RNF180: variants seen among roughly 807,000 people sequenced by gnomAD.
RNF180 encodes the protein ring finger protein 180, also known as E3 ubiquitin-protein ligase RNF180.
A neutral mutation model predicts 59.2 loss-of-function variants in RNF180; 38 were observed. The observed-to-expected ratio is 0.64, with a 90% CI of 0.50 to 0.84. The LOEUF is 0.84. Among genes scored for constraint, RNF180 ranks in the 40% least tolerant of loss-of-function variants. RNF180 has a pLI of 0.00. For missense variants in RNF180, 705 were observed against 700.9 expected, an observed-to-expected ratio of 1.01 and a Z score of -0.07; for synonymous variants, 262 against 240.3, an observed-to-expected ratio of 1.09 and a Z score of -0.84.
chr5:64,249,100 G>C (rs976659881), intron 5 of RNF180, among the ~76,000 whole-genome samples: 3 of 152,172 alleles, frequency 2.0e-5, no homozygotes, highest in African/African-American at 7.2e-5. Context: ...ACCGGGGCCT[G>C]TCAGGAGAGG....
intron 5 of RNF180, among the ~76,000 whole-genome samples, chr5:64,314,814 A>G (rs1423786844): frequency 1.3e-5 from 2 of 152,180 alleles, no homozygotes; most frequent in Non-Finnish European, 2.9e-5. Flanking sequence ...TTTTAGTTGA[A>G]TTATGTGAAG....
At chr5:64,225,020 A>G (rs1741593874) in intron 5 of RNF180, among the ~76,000 whole-genome samples, 1 of 152,166 alleles carries the variant, frequency 6.6e-6, no homozygotes, top group Admixed American at 6.5e-5. Flanking sequence ...TTGTCTCAAT[A>G]AATTACCCAG....
chr5:64,275,613 C>A (rs1741671397), intron 5 of RNF180, among the ~76,000 whole-genome samples: 1 of 151,456 alleles, frequency 6.6e-6, no homozygotes, highest in African/African-American at 2.4e-5. Flanking sequence ...TATATTAAGC[C>A]CAGTTTCTAT....
intron 5 of RNF180, among the ~76,000 whole-genome samples, chr5:64,227,718 C>T (rs1458229690): frequency 6.6e-6 from 1 of 152,168 alleles, no homozygotes; most frequent in African/African-American, 2.4e-5. Flanking sequence ...TCTCTGTGCA[C>T]CAAGAAAACT....
At chr5:64,294,017 G>T (rs1403856648) in intron 5 of RNF180, among the ~76,000 whole-genome samples, 1 of 152,094 alleles carries the variant, frequency 6.6e-6, no homozygotes, top group Non-Finnish European at 1.5e-5. Flanking sequence ...TATGCGTGAT[G>T]CATGGGCCTA....
chr5:64,362,919 C>G (rs1305914445), intron 7 of RNF180, among the ~76,000 whole-genome samples: 3 of 151,482 alleles, frequency 2.0e-5, no homozygotes, highest in Non-Finnish European at 4.4e-5. Context: ...CCTTTGCCCA[C>G]TTTTTAAAGG....
At position 64,207,554 on chromosome 5, in the gene RNF180, G is replaced by A. The variant is rs557209973; in HGVS notation, c.136-4511G>A. ...TAAGTCAAAGACTTTGATCTTTATC[G>A]TAGGAGCTGGCAAGTCAGTGGGAGG... On this transcript the variant is annotated intron_variant, in intron 2 of 7. Transcript: ENST00000389100. 7.9e-5 allele frequency among the ~76,000 whole-genome samples: 12 copies of A among 152,248 alleles called. No individual in the cohort carries two copies. The South Asian group carries it at 1.7e-3, about 21-fold the overall frequency.
At chr5:64,361,911 T>C (rs1746268023) in intron 7 of RNF180, among the ~76,000 whole-genome samples, 1 of 151,350 alleles carries the variant, frequency 6.6e-6, no homozygotes, top group Non-Finnish European at 1.5e-5. Flanking sequence ...GGACAAAAAT[T>C]GGTATTTGGT....
At chr5:64,310,866 G>T (rs1743731194) in intron 5 of RNF180, among the ~76,000 whole-genome samples, 1 of 151,800 alleles carries the variant, frequency 6.6e-6, no homozygotes, top group South Asian at 2.1e-4. Context: ...ACATTCCTTT[G>T]GTTAAAACTC....
intron 1 of RNF180, among the ~76,000 whole-genome samples, chr5:64,186,581 G>T (rs1750884989): frequency 6.6e-6 from 1 of 151,962 alleles, no homozygotes; most frequent in Non-Finnish European, 1.5e-5. Context: ...TTTATGTTCT[G>T]GGACAAAATA....
In RNF180 at chr5:64,178,480, T is replaced by C. The variant is rs184383633; in HGVS notation, c.-1+12527T>C. On this transcript the variant is annotated intron_variant, in intron 1 of 7. Transcript: ENST00000389100. ...ATGTGGAGCAAAGAATATCCAGCAC[T>C]GTAATCATATCAAGAGAGTGTTTCA... Among the ~76,000 whole-genome samples, 213 of 152,296 alleles carry C rather than the reference T, an allele frequency of 1.4e-3. 1 individual carries two copies. The highest frequency in any genetic ancestry group is 4.6e-3 in the African/African-American group (193 of 41,568).
intron 5 of RNF180, among the ~76,000 whole-genome samples, chr5:64,310,926 C>T (rs1436766155): frequency 6.6e-6 from 1 of 151,922 alleles, no homozygotes; most frequent in Non-Finnish European, 1.5e-5. Flanking sequence ...CACAGGAACT[C>T]TGGATATATA....
intron 5 of RNF180, among the ~76,000 whole-genome samples, chr5:64,307,398 A>T (rs984481472): frequency 2.0e-5 from 3 of 151,628 alleles, no homozygotes; most frequent in Non-Finnish European, 4.4e-5. Context: ...ATAGAGAAAG[A>T]CAAAATGAAG....
intron 2 of RNF180, among the ~76,000 whole-genome samples, chr5:64,205,479 C>T (rs530224562): frequency 5.7e-4 from 87 of 152,258 alleles, no homozygotes; most frequent in Middle Eastern, 6.8e-3. Context: ...CAGAAATGGT[C>T]TCCATTTGTG....
At chr5:64,299,559 T>G (rs1453789903) in intron 5 of RNF180, among the ~76,000 whole-genome samples, 1 of 152,006 alleles carries the variant, frequency 6.6e-6, no homozygotes, top group Non-Finnish European at 1.5e-5. Flanking sequence ...GATTTAAATA[T>G]CTAGGCCTAG....
chr5:64,259,211 A>G (rs1297342945), intron 5 of RNF180, among the ~76,000 whole-genome samples: 1 of 152,262 alleles, frequency 6.6e-6, no homozygotes, highest in East Asian at 1.9e-4. Flanking sequence ...TGGGGAGGAA[A>G]AGGTTTCATG....
At chr5:64,178,114 G>C (rs1289705620) in intron 1 of RNF180, among the ~76,000 whole-genome samples, 1 of 149,000 alleles carries the variant, frequency 6.7e-6, no homozygotes, top group Non-Finnish European at 1.5e-5. Context: ...TGAGGCAGGA[G>C]AATTGCTTGA....
chr5:64,307,369 C>A (rs920147301), intron 5 of RNF180, among the ~76,000 whole-genome samples: 4 of 151,454 alleles, frequency 2.6e-5, no homozygotes, highest in African/African-American at 7.3e-5. Context: ...GACATCTATT[C>A]TTTGATTCCA....
chr5:64,297,968 G>A (rs993028034), intron 5 of RNF180, among the ~76,000 whole-genome samples: 4 of 151,836 alleles, frequency 2.6e-5, no homozygotes, highest in Non-Finnish European at 4.4e-5. Context: ...TGTGTGTCAC[G>A]GGGGTTTGTT....
Sources: allele counts gnomAD v4.1 joint callset (sites outside exome capture counted in the v4.1 genomes callset), GRCh38; gene constraint gnomAD v4.1.1; transcripts MANE v1.5; gene names NCBI Gene and HGNC (gene_info 2026-07-23, HGNC 2026-07-21).